The following MTM1 variants were observed in gnomAD, a reference collection of about 807,000 sequenced individuals.
The protein encoded by MTM1 is myotubularin.
In MTM1, 9 loss-of-function variants were observed where a neutral mutation model predicts 52.1. That is an observed-to-expected ratio of 0.17 (90% CI 0.10 to 0.30). The LOEUF (loss-of-function observed/expected upper bound fraction) is 0.30, where lower values mean the gene tolerates loss of function less well. Among genes scored for constraint, MTM1 ranks in the 10% least tolerant of loss-of-function variants. MTM1 has a pLI of 1.00. For synonymous variants in MTM1, 136 were observed against 163.8 expected, an observed-to-expected ratio of 0.83 and a Z score of 1.29; for missense variants, 277 against 470.7, an observed-to-expected ratio of 0.59 and a Z score of 3.81.
intron 1 of MTM1, chrX:150,591,140 G>T: frequency 2.5e-6 from 1 of 404,965 alleles, no homozygotes; most frequent in Non-Finnish European, 3.1e-6. Flanking sequence ...TTTTAATTTT[G>T]CATTGTGCTA....
intron 8 of MTM1, among the ~76,000 whole-genome samples, chrX:150,642,253 C>T: frequency 9.1e-6 from 1 of 110,099 alleles, no homozygotes; most frequent in East Asian, 2.9e-4. Context: ...TTTTTTAATT[C>T]ACTTGTTATA....
intron 10 of MTM1, among the ~76,000 whole-genome samples, chrX:150,654,511 T>G (rs1325550963): frequency 8.9e-6 from 1 of 112,343 alleles, no homozygotes; most frequent in African/African-American, 3.2e-5. Flanking sequence ...TACAACTAAT[T>G]GATGTACATC....
At chrX:150,654,304 T>G (rs1304605865) in intron 10 of MTM1, among the ~76,000 whole-genome samples, 5 of 110,539 alleles carry the variant, frequency 4.5e-5, no homozygotes, top group African/African-American at 1.6e-4. Flanking sequence ...CGAGTGAGAG[T>G]TGCCCTCTGT....
intron 11 of MTM1, among the ~76,000 whole-genome samples, chrX:150,658,432 A>T (rs1157243985): frequency 8.9e-6 from 1 of 111,945 alleles, no homozygotes; most frequent in Non-Finnish European, 1.9e-5. Flanking sequence ...ATTGTATAAC[A>T]TGATGACTGT....
At chrX:150,631,307 T>C (rs1184302842) in intron 6 of MTM1, among the ~76,000 whole-genome samples, 10 of 112,122 alleles carry the variant, frequency 8.9e-5, no homozygotes, top group African/African-American at 3.2e-4. Context: ...TGCACACTTT[T>C]CTTTTATAGC....
chrX:150,639,655 C>A lies in MTM1; in HGVS notation c.528+629C>A, dbSNP rs143634532. 2.1e-3 allele frequency among the ~76,000 whole-genome samples: 238 copies of A among 112,191 alleles called. 3 individuals are homozygous for A. Among genetic ancestry groups the A allele is most frequent in the Middle Eastern group, 0.018 (4 of 217 alleles). ...TTGCAGTATTTTTGTTAAGGGAATT[C>A]TGTGCATAATATGTAACAAGAGCCA... On this transcript the variant is annotated intron_variant, in intron 7 of 14. Transcript: ENST00000370396.
chrX:150,620,111 ATCT>A (rs1367787874), intron 6 of MTM1, among the ~76,000 whole-genome samples: 4 of 112,200 alleles, frequency 3.6e-5, no homozygotes, highest in East Asian at 2.8e-4. Flanking sequence ...ATGGGAACAC[ATCT>A]TCTTAATTAT....
chrX:150,662,308 ATATGT>A (rs2040234529), intron 13 of MTM1, among the ~76,000 whole-genome samples: 1 of 112,327 alleles, frequency 8.9e-6, no homozygotes, highest in Admixed American at 9.4e-5. Flanking sequence ...AATGAAATAC[ATATGT>A]TTAAGACATT....
chrX:150,569,008 CG>C (rs1267787168), intron 1 of MTM1, among the ~76,000 whole-genome samples: 3 of 113,580 alleles, frequency 2.6e-5, no homozygotes, highest in Admixed American at 1.8e-4. Context: ...TTCCCCGTCC[CG>C]GGGCGGTGAG....
Position 150,583,966 on chromosome X carries a change from TA to T in MTM1, c.-10-8634del, listed in dbSNP as rs1309520424. Reference sequence around the variant, plus strand: ...ATATATTAAATATATGTTAAATATATAAAAATATTTTAAAAATATATTAAAT... The same window carrying T: ...ATATATTAAATATATGTTAAATATATAAAATATTTTAAAAATATATTAAAT... On this transcript the variant is annotated intron_variant, in intron 1 of 14. Transcript: ENST00000370396. 4.4e-3 allele frequency among the ~76,000 whole-genome samples: 349 copies of T among 80,130 alleles called. 4 individuals carry two copies. The highest frequency in any genetic ancestry group is 0.016 in the African/African-American group (337 of 21,658). 69.6% of individuals were successfully genotyped at this position (80,130 alleles called of 115,157 possible).
intron 1 of MTM1, among the ~76,000 whole-genome samples, chrX:150,588,286 G>A (rs961222495): frequency 1.8e-5 from 2 of 111,874 alleles, no homozygotes; most frequent in Non-Finnish European, 3.8e-5. Context: ...AAAGACAAAA[G>A]CTGCATACCT....
intron 4 of MTM1, among the ~76,000 whole-genome samples, chrX:150,600,439 G>A (rs782508505): frequency 8.9e-6 from 1 of 112,278 alleles, no homozygotes; most frequent in African/African-American, 3.2e-5. Context: ...CCTAGGCTGA[G>A]TTAACAGAAG....
intron 11 of MTM1, among the ~76,000 whole-genome samples, chrX:150,658,322 C>T (rs189823477): frequency 1.8e-5 from 2 of 111,827 alleles, no homozygotes; most frequent in East Asian, 2.8e-4. Context: ...AATAATATAG[C>T]TATTAGAGTC....
chrX:150,630,008 A>G (rs2039639077), intron 6 of MTM1, among the ~76,000 whole-genome samples: 1 of 112,323 alleles, frequency 8.9e-6, no homozygotes, highest in Non-Finnish European at 1.9e-5. Context: ...TCTTCATTCC[A>G]TGTACTACCT....
Position 150,619,031 on chromosome X carries a change from C to T in MTM1, c.343-7C>T. 3.4e-6 allele frequency: 4 copies of T among 1,179,064 alleles called. No individual in the cohort carries two copies. Among genetic ancestry groups the T allele is most frequent in the Non-Finnish European group, 4.6e-6 (4 of 865,760 alleles). On this transcript the variant is annotated splice_region_variant and splice_polypyrimidine_tract_variant and intron_variant, in intron 5 of 14. Coordinates refer to ENST00000370396, the MANE Select transcript of MTM1 (RefSeq NM_000252.3). ...ACTGAACTGTCATACTTCTCCTTTGCCCCCAGGACATGAGAAACCTGAGGT... is the reference window on the plus strand; with the variant it reads ...ACTGAACTGTCATACTTCTCCTTTGTCCCCAGGACATGAGAAACCTGAGGT...
intron 10 of MTM1, among the ~76,000 whole-genome samples, chrX:150,650,337 T>C (rs782451480): frequency 3.6e-5 from 4 of 111,316 alleles, no homozygotes; most frequent in African/African-American, 6.6e-5. Flanking sequence ...TTTATTATGT[T>C]CAATCCTTTA....
chrX:150,622,773 A>C (rs1373851876), intron 6 of MTM1, among the ~76,000 whole-genome samples: 3 of 111,343 alleles, frequency 2.7e-5, no homozygotes, highest in African/African-American at 9.8e-5. Flanking sequence ...TCCACAGAGT[A>C]GGGAAGTCAG....
chrX:150,659,911 G>T (rs1204969228), intron 12 of MTM1, among the ~76,000 whole-genome samples, 155 bp downstream of exon 12: 1 of 111,992 alleles, frequency 8.9e-6, no homozygotes, highest in Non-Finnish European at 1.9e-5. Flanking sequence ...CCAGGTACAT[G>T]AGCGTTCACC....
intron 1 of MTM1, among the ~76,000 whole-genome samples, chrX:150,576,710 G>A (rs2038478255): frequency 9.0e-6 from 1 of 111,479 alleles, no homozygotes; most frequent in South Asian, 3.7e-4. Flanking sequence ...ATTTGAGCAA[G>A]CACGTACATG....
Sources: allele counts gnomAD v4.1 joint callset (sites outside exome capture counted in the v4.1 genomes callset), GRCh38; gene constraint gnomAD v4.1.1; transcripts MANE v1.5; gene names NCBI Gene and HGNC (gene_info 2026-07-23, HGNC 2026-07-21).